GRIN2A: variants seen among roughly 807,000 people sequenced by gnomAD.
GRIN2A encodes glutamate receptor ionotropic, NMDA 2A.
Under a neutral mutation model 113.4 loss-of-function variants are expected in GRIN2A, and 22 were observed. That is an observed-to-expected ratio of 0.19 (90% CI 0.14 to 0.28). The LOEUF (loss-of-function observed/expected upper bound fraction) is 0.28, where lower values mean the gene tolerates loss of function less well. GRIN2A is among the 10% of genes least tolerant of loss of function. The probability of loss-of-function intolerance (pLI) is 1.00; values close to 1 mark genes in which losing one functional copy is unlikely to be tolerated. For synonymous variants in GRIN2A, 827 were observed against 738.4 expected, an observed-to-expected ratio of 1.12 and a Z score of -1.94; for missense variants, 1,502 against 1,887.0, an observed-to-expected ratio of 0.80 and a Z score of 3.78.
At chr16:9,790,883 C>T (rs1163276459) in intron 11 of GRIN2A, among the ~76,000 whole-genome samples, 1 of 152,174 alleles carries the variant, frequency 6.6e-6, no homozygotes, top group East Asian at 1.9e-4. Context: ...AGTAAGGGAA[C>T]AGCAACAGGG....
At chr16:9,973,572 C>G (rs980028029) in intron 2 of GRIN2A, among the ~76,000 whole-genome samples, 31 of 152,230 alleles carry the variant, frequency 2.0e-4, no homozygotes, top group Admixed American at 9.8e-4. Context: ...ATTCAAGAAA[C>G]TCAAAGAACC....
chr16:9,857,855 A>T (rs2042995350), intron 4 of GRIN2A, among the ~76,000 whole-genome samples: 1 of 152,204 alleles, frequency 6.6e-6, no homozygotes, highest in African/African-American at 2.4e-5. Context: ...CTCGATACTA[A>T]CTTTAGTTTA....
At chr16:10,049,625 C>A (rs768859313) in intron 2 of GRIN2A, among the ~76,000 whole-genome samples, 1 of 152,182 alleles carries the variant, frequency 6.6e-6, no homozygotes, top group Admixed American at 6.5e-5. Flanking sequence ...GTGATCCACC[C>A]GCCTTGGCCT....
chr16:10,115,278 T>C (rs895177484), intron 2 of GRIN2A, among the ~76,000 whole-genome samples: 3 of 152,248 alleles, frequency 2.0e-5, no homozygotes, highest in Non-Finnish European at 4.4e-5. Flanking sequence ...TTCAAAATGC[T>C]GGAGAACTGG....
intron 9 of GRIN2A, among the ~76,000 whole-genome samples, chr16:9,825,997 G>GGAGAGGGGGAGGAAT (rs982577006): frequency 6.7e-6 from 1 of 150,298 alleles, no homozygotes; most frequent in Non-Finnish European, 1.5e-5. Context: ...ACAAAGAGAA[G>GGAGAGGGGGAGGAAT]GAGAGGGGGA....
At chr16:9,841,984 G>A (rs759479959) in intron 5 of GRIN2A, among the ~76,000 whole-genome samples, 1 of 152,180 alleles carries the variant, frequency 6.6e-6, no homozygotes, top group Non-Finnish European at 1.5e-5. Context: ...GGGTATGGTG[G>A]CTCACACCTA....
intron 2 of GRIN2A, among the ~76,000 whole-genome samples, chr16:10,107,522 C>G (rs1305798520): frequency 6.6e-6 from 1 of 152,194 alleles, no homozygotes; most frequent in African/African-American, 2.4e-5. Context: ...GAATAAATAC[C>G]TGCCAGGCCA....
At chr16:9,781,979 G>A (rs1179300390) in intron 11 of GRIN2A, among the ~76,000 whole-genome samples, 1 of 152,006 alleles carries the variant, frequency 6.6e-6, no homozygotes, top group African/African-American at 2.4e-5. Context: ...GAAAAATCAT[G>A]GACTATAAAA....
At chr16:9,931,308 T>C (rs1360587671) in intron 3 of GRIN2A, among the ~76,000 whole-genome samples, 4 of 152,182 alleles carry the variant, frequency 2.6e-5, no homozygotes, top group Non-Finnish European at 4.4e-5. Context: ...AAAGTTATAA[T>C]AATGATGATG....
intron 7 of GRIN2A, among the ~76,000 whole-genome samples, chr16:9,837,549 C>T (rs566563514): frequency 1.4e-4 from 22 of 152,202 alleles, no homozygotes; most frequent in African/African-American, 4.1e-4. Context: ...TAAAGAGATA[C>T]AAGACTTTTT....
chr16:9,948,146 A>G (rs1404661370), intron 2 of GRIN2A, among the ~76,000 whole-genome samples: 2 of 152,238 alleles, frequency 1.3e-5, no homozygotes, highest in Admixed American at 1.3e-4. Flanking sequence ...TCCGCTTTGC[A>G]GGAACCCTTT....
At position 9,763,947 on chromosome 16, in the gene GRIN2A, C is replaced by G. The variant is rs368418052; in HGVS notation, c.3597G>C (p.Pro1199=). Residue 1199 remains proline, a synonymous_variant, in exon 13 of 13, where the codon CCG becomes CCC. Transcript: ENST00000330684. ...GGTATCGCTCGCTGGTCTCACTGTG[C>G]GGGGAACCCTTGTCTTTCAAGGTGA... The part of the protein sequence containing the change: ...KHFTLKDKGS[P]HSETSERYRQ... The G allele has an allele frequency of 5.6e-6, 9 of 1,613,932 alleles. No individual in the cohort carries two copies. The highest frequency in any genetic ancestry group is 6.8e-6 in the Non-Finnish European group (8 of 1,179,988).
At chr16:10,125,609 C>T (rs2048916506) in intron 2 of GRIN2A, among the ~76,000 whole-genome samples, 1 of 150,634 alleles carries the variant, frequency 6.6e-6, no homozygotes, top group Non-Finnish European at 1.5e-5. Context: ...AGGCATCATC[C>T]TCATACTGCT....
At chr16:10,168,702 A>C (rs1449943558) in intron 2 of GRIN2A, among the ~76,000 whole-genome samples, 1 of 152,176 alleles carries the variant, frequency 6.6e-6, no homozygotes, top group Non-Finnish European at 1.5e-5. Flanking sequence ...TGCCGTGGCT[A>C]ACGCCTGTAG....
chr16:10,028,142 AAAT>A lies in GRIN2A; in HGVS notation c.415-89594_415-89592del, dbSNP rs376638731. On this transcript the variant is annotated intron_variant, in intron 2 of 12. Coordinates refer to ENST00000330684, the MANE Select transcript of GRIN2A (RefSeq NM_001134407.3). The stretch of plus-strand genomic sequence containing the variant: ...CCACGCCAGGTCTGTGTTGAGCAGT[AAAT>A]AATATGTCACTTACTGCTTGCAGCA... Among the ~76,000 whole-genome samples the A allele has an allele frequency of 1.7e-3, 256 of 152,344 alleles. 2 individuals are homozygous for A. Among genetic ancestry groups the A allele is most frequent in the African/African-American group, 6.0e-3 (251 of 41,580 alleles).
intron 2 of GRIN2A, among the ~76,000 whole-genome samples, chr16:10,150,029 C>T (rs1196925807): frequency 3.9e-5 from 6 of 152,216 alleles, no homozygotes; most frequent in East Asian, 3.9e-4. Flanking sequence ...AAAATGGAAG[C>T]GAGGTGCAGA....
chr16:9,993,318 G>C (rs920726829), intron 2 of GRIN2A, among the ~76,000 whole-genome samples: 3 of 152,128 alleles, frequency 2.0e-5, no homozygotes, highest in Non-Finnish European at 4.4e-5. Flanking sequence ...GGGAGGCTGA[G>C]GCAGGAGGAT....
rs1900646520 is a variant in GRIN2A at position 9,762,864 on chromosome 16, A to G, written c.*285T>C. The G allele has an allele frequency of 3.9e-6, 2 of 514,188 alleles. No homozygotes were observed. Among genetic ancestry groups the G allele is most frequent in the Non-Finnish European group, 7.0e-6 (2 of 286,178 alleles). The allele number at this position is 514,188 out of a possible 1,614,324, so 31.9% of individuals were successfully genotyped here. On this transcript the variant is annotated 3_prime_UTR_variant, in exon 13 of 13. Transcript: ENST00000330684. ...TCCAATGCATCATTATTGCCAACAT[A>G]CCCAGTAGGCATGTCCCGGAGACTT...
At chr16:9,792,395 A>C (rs1273724405) in intron 11 of GRIN2A, among the ~76,000 whole-genome samples, 1 of 151,994 alleles carries the variant, frequency 6.6e-6, no homozygotes, top group African/African-American at 2.4e-5. Context: ...GTAATTTAAA[A>C]AATTTTTTTG....
Sources: gnomAD v4.1 joint callset for allele counts (sites outside exome capture counted in the v4.1 genomes callset) on GRCh38, gnomAD v4.1.1 for gene constraint, MANE v1.5 for transcripts, NCBI Gene and HGNC (gene_info 2026-07-23, HGNC 2026-07-21) for gene names.